BLTP1: variants seen among roughly 807,000 people sequenced by gnomAD.
The protein encoded by BLTP1 is bridge-like lipid transfer protein family member 1, also known as fragile site-associated protein.
the BLTP1 span, chr4:122,224,462 T>C: frequency 6.3e-7 from 1 of 1,582,278 alleles, no homozygotes; most frequent in Non-Finnish European, 8.6e-7. Flanking sequence ...TGTGATTTTC[T>C]TATACATTTT....
the BLTP1 span, chr4:122,269,511 A>G: frequency 1.5e-5 from 15 of 984,750 alleles, no homozygotes; most frequent in Non-Finnish European, 7.2e-6. Flanking sequence ...CAACTAACTC[A>G]TGATCAGCTT....
chr4:122,359,491 A>T, the BLTP1 span: 1 of 1,545,602 alleles, frequency 6.5e-7, no homozygotes, highest in Non-Finnish European at 8.8e-7. Flanking sequence ...AATGAAACCA[A>T]TTCTGTTCTA....
At chr4:122,186,117 G>A in the BLTP1 span, 33 of 1,612,002 alleles carry the variant, frequency 2.0e-5, no homozygotes, top group Middle Eastern at 3.3e-4. Context: ...CTTTATGGAC[G>A]CCTTCAAGAG....
chr4:122,187,440 A>G, the BLTP1 span: 15 of 1,611,802 alleles, frequency 9.3e-6, no homozygotes, highest in African/African-American at 1.3e-4. Flanking sequence ...GAGTTAAAGT[A>G]AAAACAGAAT....
chr4:122,313,941 TTCTA>T, the BLTP1 span: 1 of 541,722 alleles, frequency 1.8e-6, no homozygotes, highest in African/African-American at 2.1e-5. Flanking sequence ...AAGATATACT[TTCTA>T]TCCTTCATAC....
chr4:122,229,062 A>G, the BLTP1 span: 1 of 1,378,400 alleles, frequency 7.3e-7, no homozygotes, highest in South Asian at 1.6e-5. Context: ...AGATGACTTA[A>G]GTATCAAAAT....
the BLTP1 span, among the ~76,000 whole-genome samples, chr4:122,218,005 G>A: frequency 7.9e-5 from 12 of 152,030 alleles, no homozygotes; most frequent in Admixed American, 4.6e-4. Flanking sequence ...TCACCTAAAG[G>A]TGTTCATAGT....
the BLTP1 span, among the ~76,000 whole-genome samples, chr4:122,320,700 AT>A: frequency 6.6e-6 from 1 of 152,162 alleles, no homozygotes; most frequent in East Asian, 1.9e-4. Flanking sequence ...ATATGTATAT[AT>A]AAGTGGGTTT....
the BLTP1 span, chr4:122,190,056 T>A: frequency 6.2e-7 from 1 of 1,613,550 alleles, no homozygotes; most frequent in Admixed American, 1.7e-5. Flanking sequence ...GATGTTGACA[T>A]CTACTACTAC....
chr4:122,249,399 C>G, the BLTP1 span: 1 of 1,534,818 alleles, frequency 6.5e-7, no homozygotes, highest in South Asian at 1.3e-5. Flanking sequence ...TAAAGACAAC[C>G]AGTGTGCCAT....
chr4:122,223,000 A>T, the BLTP1 span: 1 of 940,520 alleles, frequency 1.1e-6, no homozygotes. Context: ...TAAAAATTTT[A>T]TACTGAGAAT....
chr4:122,211,667 G>A, the BLTP1 span, among the ~76,000 whole-genome samples: 2 of 152,122 alleles, frequency 1.3e-5, no homozygotes, highest in African/African-American at 4.8e-5. Flanking sequence ...AACAAGTGTT[G>A]ACTCATTTTG....
chr4:122,187,632 C>T, the BLTP1 span: 3 of 1,016,496 alleles, frequency 3.0e-6, no homozygotes, highest in South Asian at 3.6e-5. Context: ...TTTTAGTTCC[C>T]ATTTCTGTAT....
the BLTP1 span, chr4:122,225,005 C>G: frequency 4.9e-6 from 5 of 1,019,270 alleles, no homozygotes; most frequent in South Asian, 1.5e-4. Context: ...TTACTTGGCC[C>G]TCCATTGTTG....
At chr4:122,161,562 A>G in the BLTP1 span, among the ~76,000 whole-genome samples, 2 of 151,244 alleles carry the variant, frequency 1.3e-5, no homozygotes, top group African/African-American at 2.4e-5. Flanking sequence ...TCTCCAGTAG[A>G]TGGAACTACA....
the BLTP1 span, chr4:122,214,538 G>A: frequency 1.1e-6 from 1 of 948,112 alleles, no homozygotes; most frequent in Non-Finnish European, 1.2e-6. Flanking sequence ...TACCATAAAA[G>A]TTTGCCGTAA....
the BLTP1 span, chr4:122,225,456 T>C: frequency 6.6e-6 from 1 of 152,164 alleles, no homozygotes; most frequent in Non-Finnish European, 1.5e-5. Context: ...TGGAATTTGA[T>C]AGGAATGTTA....
chr4:122,361,695 A>G, the BLTP1 span, among the ~76,000 whole-genome samples: 7 of 152,224 alleles, frequency 4.6e-5, no homozygotes, highest in Non-Finnish European at 1.0e-4. Flanking sequence ...TTCTCCCATT[A>G]TGCCACATGC....
chr4:122,328,625 G>C, the BLTP1 span: 24 of 979,420 alleles, frequency 2.5e-5, no homozygotes, highest in Non-Finnish European at 2.8e-5. Context: ...TGGAAATAAA[G>C]ATGTGGTTAC....
Sources: allele counts gnomAD v4.1 joint callset (sites outside exome capture counted in the v4.1 genomes callset), GRCh38; gene constraint gnomAD v4.1.1; transcripts MANE v1.5; gene names NCBI Gene and HGNC (gene_info 2026-07-23, HGNC 2026-07-21).